Variants in STAG1 observed in about 807,000 individuals in gnomAD.
STAG1 encodes STAG1 cohesin complex component.
In STAG1, 26 loss-of-function variants were observed where a neutral mutation model predicts 170.9. The observed-to-expected ratio is 0.15, with a 90% CI of 0.11 to 0.21. The LOEUF is 0.21. Among genes scored for constraint, STAG1 ranks in the 10% least tolerant of loss-of-function variants. The pLI, the probability that STAG1 is intolerant of heterozygous loss-of-function variation, is 1.00. For synonymous variants in STAG1, 514 were observed against 497.7 expected (o/e 1.03, Z -0.44); for missense variants, 964 against 1,509.5 (o/e 0.64, Z 5.99).
chr3:136,376,883 C>T (rs954564958), intron 23 of STAG1, among the ~76,000 whole-genome samples: 2 of 151,700 alleles, frequency 1.3e-5, no homozygotes, highest in African/African-American at 2.4e-5. Flanking sequence ...CTCTGTCTCC[C>T]GGGTTCATGC....
At position 136,367,024 on chromosome 3, in the gene STAG1, T is replaced by C. The variant is rs765243595; in HGVS notation, c.2604A>G (p.Leu868=). 1 of 1,610,926 alleles carries C rather than the reference T, an allele frequency of 6.2e-7. No individual in the cohort carries two copies. Among genetic ancestry groups the C allele is most frequent in the South Asian group, 1.1e-5 (1 of 90,740 alleles). ...TGATAAGTTTGCTGAAAGCAGCAAGTAGATTCCTTCTTTTATGTAAGGCCT... is the reference window on the plus strand; with the variant it reads ...TGATAAGTTTGCTGAAAGCAGCAAGCAGATTCCTTCTTTTATGTAAGGCCT... The part of the protein sequence containing the change: ...KIEALHKRRN[L]LAAFSKLIIY... The change falls in exon 25 of 34, where the codon CTA becomes CTG. Residue 868 remains leucine (L), a synonymous_variant. Transcript: ENST00000383202.
chr3:136,487,886 G>A (rs1294671792), intron 9 of STAG1, among the ~76,000 whole-genome samples: 1 of 152,182 alleles, frequency 6.6e-6, no homozygotes, highest in South Asian at 2.1e-4. Flanking sequence ...GAAAGCCACC[G>A]GCTATGTCTT....
Position 136,347,160 on chromosome 3 carries a change from C to G in STAG1, c.3271+1998G>C, listed in dbSNP as rs1160893892. Among the ~76,000 whole-genome samples, 3 of 150,684 alleles carry G rather than the reference C, an allele frequency of 2.0e-5. No homozygotes were observed. The East Asian group carries it at 5.8e-4, about 29-fold the overall frequency. On this transcript the variant is annotated intron_variant, in intron 29 of 33. Transcript: ENST00000383202. Reference sequence around the variant, plus strand: ...CTATAATCCCAGCACTTTGAGAAGCCAAGGTGGGTGGACCTACTTGAGGTC... The same window carrying G: ...CTATAATCCCAGCACTTTGAGAAGCGAAGGTGGGTGGACCTACTTGAGGTC...
chr3:136,517,845 A>C (rs1428536109), intron 7 of STAG1, among the ~76,000 whole-genome samples: 1 of 152,088 alleles, frequency 6.6e-6, no homozygotes, highest in Non-Finnish European at 1.5e-5. Context: ...TACAATGTAA[A>C]GCTTATTAAA....
At chr3:136,479,163 G>C (rs1483804134) in intron 9 of STAG1, among the ~76,000 whole-genome samples, 2 of 146,156 alleles carry the variant, frequency 1.4e-5, no homozygotes, top group Admixed American at 6.9e-5. Flanking sequence ...TGCCATGCTG[G>C]TGCGCTGCAC....
At chr3:136,630,787 T>C (rs1940301902) in intron 2 of STAG1, 83 bp downstream of exon 2, 12 of 968,074 alleles carry the variant, frequency 1.2e-5, no homozygotes, top group South Asian at 5.9e-5. Context: ...AAATGTATCA[T>C]CGAAGAGAGC....
chr3:136,426,620 G>C (rs76769921), intron 16 of STAG1, among the ~76,000 whole-genome samples: 1 of 151,982 alleles, frequency 6.6e-6, no homozygotes, highest in African/African-American at 2.4e-5. Flanking sequence ...GGCACCATTC[G>C]CACATGACAG....
chr3:136,443,682 A>C (rs1220353604), intron 14 of STAG1, among the ~76,000 whole-genome samples: 1 of 152,122 alleles, frequency 6.6e-6, no homozygotes, highest in African/African-American at 2.4e-5. Flanking sequence ...GCTAGTTAGA[A>C]AATTTTCTGA....
intron 7 of STAG1, among the ~76,000 whole-genome samples, chr3:136,508,074 G>C (rs1933861039): frequency 6.6e-6 from 1 of 152,122 alleles, no homozygotes; most frequent in South Asian, 2.1e-4. Flanking sequence ...ATAATTCTGA[G>C]ATTTGCTATA....
rs888406626 is a variant in STAG1, at chr3:136,594,955, A to C, written c.297+9354T>G. On this transcript the variant is annotated intron_variant, in intron 4 of 33. Transcript: ENST00000383202. Reference sequence around the variant, plus strand: ...CTGGCTACTTTTTGTATTTTGGTTGAGATGGGGTTTTGCCATGTTGCCCAG... The same window carrying C: ...CTGGCTACTTTTTGTATTTTGGTTGCGATGGGGTTTTGCCATGTTGCCCAG... 5.3e-5 allele frequency among the ~76,000 whole-genome samples: 8 copies of C among 152,158 alleles called. No individual in the cohort carries two copies. In the South Asian group the frequency reaches 1.7e-3, roughly 32 times the overall value.
intron 24 of STAG1, among the ~76,000 whole-genome samples, chr3:136,368,487 T>C (rs564627908): frequency 1.8e-4 from 28 of 152,246 alleles, no homozygotes; most frequent in Non-Finnish European, 3.1e-4. Flanking sequence ...GAAAGGAACC[T>C]GGATACTTTC....
chr3:136,581,169 T>A (rs960879907), intron 4 of STAG1, among the ~76,000 whole-genome samples: 1 of 152,240 alleles, frequency 6.6e-6, no homozygotes, highest in Admixed American at 6.5e-5. Context: ...AATTTTTAAC[T>A]TAGTTATGTT....
At position 136,639,476 on chromosome 3, in the gene STAG1, A is replaced by ATTT. The variant is rs563602389; in HGVS notation, c.-83-8496_-83-8495insAAA. On this transcript the variant is annotated intron_variant, in intron 1 of 33. Coordinates refer to ENST00000383202, the MANE Select transcript of STAG1 (RefSeq NM_005862.3). The stretch of plus-strand genomic sequence containing the variant: ...ATTTTACAAATCAATCTACATACTC[A>ATTT]TACAAATAAGAATTGTGTGACAACT... 2.0e-5 allele frequency among the ~76,000 whole-genome samples: 3 copies of ATTT among 152,380 alleles called. No individual in the cohort carries two copies. In the South Asian group the frequency reaches 6.2e-4, roughly 32 times the overall value.
chr3:136,585,450 C>CA (rs1156341459), intron 4 of STAG1, among the ~76,000 whole-genome samples: 1 of 151,840 alleles, frequency 6.6e-6, no homozygotes, highest in Non-Finnish European at 1.5e-5. Context: ...TCAAAACAAA[C>CA]AAACAAAACA....
At chr3:136,576,710 C>T (rs1389144642) in intron 4 of STAG1, among the ~76,000 whole-genome samples, 2 of 152,048 alleles carry the variant, frequency 1.3e-5, no homozygotes, top group African/African-American at 2.4e-5. Flanking sequence ...GCCTAAGCTC[C>T]CTGTAAGGTA....
At chr3:136,631,543 T>C (rs1005002262) in intron 1 of STAG1, among the ~76,000 whole-genome samples, 1 of 152,190 alleles carries the variant, frequency 6.6e-6, no homozygotes, top group Non-Finnish European at 1.5e-5. Context: ...AACCCTAATT[T>C]AAAGTAGCAA....
intron 7 of STAG1, among the ~76,000 whole-genome samples, chr3:136,514,131 C>T (rs115900333): frequency 4.4e-4 from 67 of 152,252 alleles, no homozygotes; most frequent in Non-Finnish European, 8.2e-4. Context: ...TTTATATACA[C>T]TGAAAATATT....
chr3:136,713,501 T>C (rs1168276340), intron 1 of STAG1, among the ~76,000 whole-genome samples: 1 of 151,218 alleles, frequency 6.6e-6, no homozygotes, highest in Non-Finnish European at 1.5e-5. Flanking sequence ...AAGAATCGCT[T>C]GAATCCGGGA....
intron 22 of STAG1, among the ~76,000 whole-genome samples, chr3:136,383,136 T>G (rs542612673): frequency 4.1e-4 from 62 of 152,352 alleles, no homozygotes; most frequent in Non-Finnish European, 4.3e-4. Flanking sequence ...AGTAAGTATC[T>G]ATACATTTTC....
Sources: allele counts gnomAD v4.1 joint callset (sites outside exome capture counted in the v4.1 genomes callset), GRCh38; gene constraint gnomAD v4.1.1; transcripts MANE v1.5; gene names NCBI Gene and HGNC (gene_info 2026-07-23, HGNC 2026-07-21).